The following S100Z variants were observed in gnomAD, a reference collection of about 807,000 sequenced individuals.
S100Z encodes protein S100-Z.
In S100Z, 11 loss-of-function variants were observed where a neutral mutation model predicts 8.5. That is an observed-to-expected ratio of 1.30 (90% CI 0.82 to 2.15). The LOEUF (loss-of-function observed/expected upper bound fraction) is 2.15. S100Z is among the 30% of genes most tolerant of loss of function. The pLI is 0.00. For missense variants in S100Z, 126 were observed against 117.9 expected, an observed-to-expected ratio of 1.07 and a Z score of -0.32; for synonymous variants, 34 against 43.8, an observed-to-expected ratio of 0.78 and a Z score of 0.89.
intron 4 of S100Z, among the ~76,000 whole-genome samples, chr5:76,919,452 G>A (rs995320386): frequency 3.3e-5 from 5 of 152,052 alleles, no homozygotes; most frequent in African/African-American, 1.2e-4. Flanking sequence ...TTTTGTGGAG[G>A]ATCTTTTTAT....
intron 4 of S100Z, among the ~76,000 whole-genome samples, chr5:76,888,605 T>C (rs1743743962): frequency 1.3e-5 from 2 of 152,036 alleles, no homozygotes; most frequent in South Asian, 4.1e-4. Context: ...CTCGACCTCC[T>C]GACCTTGTGA....
chr5:76,918,460 GC>G (rs1354811812), intron 4 of S100Z, among the ~76,000 whole-genome samples: 2 of 152,176 alleles, frequency 1.3e-5, no homozygotes, highest in Non-Finnish European at 2.9e-5. Flanking sequence ...TCCCGTCTTG[GC>G]CTCCCAAAGT....
In S100Z at chr5:76,877,788, T is replaced by G; in HGVS notation, c.256T>G (p.Cys86Gly). Residue 86 changes from cysteine to glycine, a missense_variant, in exon 4 of 5, where the codon TGT becomes GGT. By Grantham distance (159) the Cys-to-Gly change is radical. Transcript: ENST00000317593. ...CATGGTGGCAGCTCTGACAGTTGCTTGTAATGATTACTTTGTAGAACAATT... is the reference window on the plus strand; with the variant it reads ...CATGGTGGCAGCTCTGACAGTTGCTGGTAATGATTACTTTGTAGAACAATT... ...VVMVAALTVA[C>G]NDYFVEQLKK... The G allele has an allele frequency of 6.2e-7, 1 of 1,613,690 alleles. No homozygotes were observed.
chr5:76,884,766 G>A (rs756426238), intron 4 of S100Z, among the ~76,000 whole-genome samples: 6 of 152,170 alleles, frequency 3.9e-5, no homozygotes, highest in Non-Finnish European at 8.8e-5. Context: ...GGGTGCGGAA[G>A]CAGAGGCTGA....
At chr5:76,916,751 C>T (rs754411637) in intron 4 of S100Z, among the ~76,000 whole-genome samples, 6 of 151,976 alleles carry the variant, frequency 3.9e-5, no homozygotes, top group Non-Finnish European at 5.9e-5. Context: ...AATGTAAAGA[C>T]GATATATCAA....
At chr5:76,886,731 T>G (rs572447352) in intron 4 of S100Z, among the ~76,000 whole-genome samples, 2 of 152,256 alleles carry the variant, frequency 1.3e-5, no homozygotes, top group Admixed American at 1.3e-4. Flanking sequence ...TTATAGGTTT[T>G]GGGATAGGCG....
chr5:76,851,509 TGA>T (rs541918394), intron 1 of S100Z, among the ~76,000 whole-genome samples: 8 of 151,442 alleles, frequency 5.3e-5, no homozygotes, highest in African/African-American at 1.5e-4. Flanking sequence ...ACTGATTGCA[TGA>T]GAGAGAGAGA....
intron 4 of S100Z, among the ~76,000 whole-genome samples, chr5:76,890,144 C>T (rs1313318620): frequency 1.3e-5 from 2 of 152,192 alleles, no homozygotes; most frequent in Non-Finnish European, 2.9e-5. Context: ...CTGTCTCAGC[C>T]TCCTGAGTAG....
chr5:76,927,526 ACTCAGC>A, the S100Z span, among the ~76,000 whole-genome samples: 1 of 152,128 alleles, frequency 6.6e-6, no homozygotes. Flanking sequence ...TTCCACCACT[ACTCAGC>A]CACAACCGGT....
intron 1 of S100Z, among the ~76,000 whole-genome samples, chr5:76,861,133 G>T (rs971370655): frequency 1.3e-5 from 2 of 152,202 alleles, no homozygotes; most frequent in African/African-American, 4.8e-5. Context: ...ACAAGGTTGT[G>T]TTGCAGTCAG....
intron 4 of S100Z, among the ~76,000 whole-genome samples, chr5:76,907,557 C>A (rs916366412): frequency 1.3e-5 from 2 of 152,208 alleles, no homozygotes; most frequent in African/African-American, 4.8e-5. Context: ...CCTGTCTCAG[C>A]CTCCCAAAGT....
intron 4 of S100Z, among the ~76,000 whole-genome samples, chr5:76,901,674 C>T (rs186659105): frequency 6.6e-6 from 1 of 152,292 alleles, no homozygotes; most frequent in East Asian, 1.9e-4. Context: ...AGAGTCAAGT[C>T]CTGGAATTGG....
At chr5:76,859,737 C>T (rs543288793) in intron 1 of S100Z, among the ~76,000 whole-genome samples, 3 of 132,880 alleles carry the variant, frequency 2.3e-5, no homozygotes, top group East Asian at 2.1e-4. Context: ...GCCAAGATTG[C>T]GCCACTGCAC....
intron 4 of S100Z, among the ~76,000 whole-genome samples, chr5:76,905,374 T>C (rs1198849380): frequency 6.6e-6 from 1 of 152,024 alleles, no homozygotes; most frequent in Non-Finnish European, 1.5e-5. Flanking sequence ...AGGCTCCACA[T>C]TTAAATCTAT....
At chr5:76,893,177 A>G (rs1325288763) in intron 4 of S100Z, among the ~76,000 whole-genome samples, 4 of 152,146 alleles carry the variant, frequency 2.6e-5, no homozygotes, top group Admixed American at 6.5e-5. Flanking sequence ...TTAACTTTAA[A>G]CAACAGAATG....
At chr5:76,888,698 G>A (rs1411458822) in intron 4 of S100Z, among the ~76,000 whole-genome samples, 1 of 152,110 alleles carries the variant, frequency 6.6e-6, no homozygotes, top group African/African-American at 2.4e-5. Flanking sequence ...TTACAGGCGT[G>A]AGCCACCGTG....
At chr5:76,869,624 T>C (rs1742930292) in intron 1 of S100Z, among the ~76,000 whole-genome samples, 1 of 151,884 alleles carries the variant, frequency 6.6e-6, no homozygotes, top group Admixed American at 6.6e-5. Flanking sequence ...TGGTAGAAAG[T>C]AGAAAGAGCA....
chr5:76,867,878 G>A (rs1009750355), intron 1 of S100Z, among the ~76,000 whole-genome samples: 11 of 152,058 alleles, frequency 7.2e-5, no homozygotes, highest in African/African-American at 2.7e-4. Context: ...CACTGCGGCC[G>A]GCCACAGTCA....
chr5:76,931,899 G>T, the S100Z span, among the ~76,000 whole-genome samples: 4 of 152,014 alleles, frequency 2.6e-5, no homozygotes, highest in East Asian at 5.8e-4. Context: ...GAGAGACAGA[G>T]GAACATAGTA....
Sources: gnomAD v4.1 joint callset for allele counts (sites outside exome capture counted in the v4.1 genomes callset) on GRCh38, gnomAD v4.1.1 for gene constraint, MANE v1.5 for transcripts, NCBI Gene and HGNC (gene_info 2026-07-23, HGNC 2026-07-21) for gene names.